SMIM35: variants seen among roughly 807,000 people sequenced by gnomAD.
SMIM35 encodes TMPRSS4 antisense RNA 1 (non-protein coding).
At chr11:118,077,383 A>G (rs1198259048) in intron 1 of SMIM35, 189 of 1,477,226 alleles carry the variant, frequency 1.3e-4, no homozygotes, top group Non-Finnish European at 4.3e-5. Context: ...CAGCCTGAGC[A>G]TCCATCAGCT....
At position 118,056,365 on chromosome 11, in the gene SMIM35, G is replaced by A. The variant is rs555973479; in HGVS notation, c.7+30386C>T. Among the ~76,000 whole-genome samples the A allele has an allele frequency of 3.3e-5, 5 of 152,314 alleles. No individual in the cohort carries two copies. The South Asian group carries it at 1.0e-3, about 32-fold the overall frequency. On this transcript the variant is annotated intron_variant, in intron 1 of 4. Coordinates refer to ENST00000689828, the MANE Select transcript of SMIM35 (RefSeq NM_001394165.1). ...TCAGCAGAACTGGGGATCAATTGGA[G>A]GTAGTAAGTTAGGGAGAGAGGGGAG...
At chr11:118,044,193 G>A (rs1280681137) in intron 1 of SMIM35, among the ~76,000 whole-genome samples, 1 of 151,462 alleles carries the variant, frequency 6.6e-6, no homozygotes, top group Non-Finnish European at 1.5e-5. Flanking sequence ...CAAAACCCAT[G>A]CAAAAAGCAG....
chr11:118,036,633 C>A (rs2058361361), intron 1 of SMIM35, among the ~76,000 whole-genome samples: 1 of 152,208 alleles, frequency 6.6e-6, no homozygotes, highest in South Asian at 2.1e-4. Flanking sequence ...AGCTGCAGGG[C>A]AGTGAGGTGC....
At chr11:118,034,703 CAA>C (rs972946263) in intron 1 of SMIM35, among the ~76,000 whole-genome samples, 1 of 152,124 alleles carries the variant, frequency 6.6e-6, no homozygotes, top group African/African-American at 2.4e-5. Flanking sequence ...GATCCTGTCT[CAA>C]AACAAACAAA....
intron 1 of SMIM35, among the ~76,000 whole-genome samples, chr11:118,020,398 C>T (rs187651339): frequency 1.3e-5 from 2 of 152,198 alleles, no homozygotes; most frequent in South Asian, 2.1e-4. Context: ...TTTGGGAATT[C>T]GTTTTTCAAG....
chr11:118,038,662 G>A (rs534516390), intron 1 of SMIM35, among the ~76,000 whole-genome samples: 2 of 151,766 alleles, frequency 1.3e-5, no homozygotes, highest in South Asian at 2.1e-4. Context: ...CCTTCTCCTG[G>A]GGCATTTGTT....
At chr11:118,066,846 T>C (rs1944481317) in intron 1 of SMIM35, among the ~76,000 whole-genome samples, 1 of 151,724 alleles carries the variant, frequency 6.6e-6, no homozygotes, top group Admixed American at 6.6e-5. Context: ...AATCAAAACA[T>C]TATCTTGATA....
intron 1 of SMIM35, among the ~76,000 whole-genome samples, chr11:118,020,855 T>C (rs576720148): frequency 6.6e-6 from 1 of 152,220 alleles, no homozygotes; most frequent in African/African-American, 2.4e-5. Context: ...TCCAGTATAA[T>C]GTACCTTGAT....
At chr11:118,086,286 G>T (rs958474774) in intron 1 of SMIM35, among the ~76,000 whole-genome samples, 8 of 152,226 alleles carry the variant, frequency 5.3e-5, no homozygotes, top group African/African-American at 1.9e-4. Context: ...ATAATGGCAG[G>T]CTGCCTGACT....
chr11:118,082,478 T>C (rs552738159), intron 1 of SMIM35, among the ~76,000 whole-genome samples: 1 of 152,074 alleles, frequency 6.6e-6, no homozygotes, highest in African/African-American at 2.4e-5. Flanking sequence ...TGAGAATCGC[T>C]TGAACCCAGG....
Position 118,063,334 on chromosome 11 carries a change from T to C in SMIM35, c.7+23417A>G, listed in dbSNP as rs1306608352. 2.6e-5 allele frequency among the ~76,000 whole-genome samples: 4 copies of C among 152,360 alleles called. No homozygotes were observed. In the South Asian group the frequency reaches 8.3e-4, roughly 32 times the overall value. ...TATAACACTTCTACTCTTCTTTCTG[T>C]TTCTTTCAGTTGATGATTTTCTGCT... On this transcript the variant is annotated intron_variant, in intron 1 of 4. Coordinates refer to ENST00000689828, the MANE Select transcript of SMIM35 (RefSeq NM_001394165.1).
rs1052676868 is a variant in SMIM35 at position 118,030,844 on chromosome 11, T to C, written c.8-15035A>G. Among the ~76,000 whole-genome samples, 4 of 151,878 alleles carry C rather than the reference T, an allele frequency of 2.6e-5. 1 individual carries two copies. Among genetic ancestry groups the C allele is most frequent in the Admixed American group, 2.6e-4 (4 of 15,246 alleles). ...GGGATTAGGAGGGCATCCATGGCAG[T>C]GTTAGGGGTTATGGCCCACCAAGTG... On this transcript the variant is annotated intron_variant, in intron 1 of 4. Transcript: ENST00000689828.
chr11:118,019,719 T>G (rs1293864302), intron 1 of SMIM35, among the ~76,000 whole-genome samples: 2 of 152,212 alleles, frequency 1.3e-5, no homozygotes, highest in Non-Finnish European at 2.9e-5. Context: ...TAACGTTTTG[T>G]TTTTTACAGT....
chr11:118,081,258 T>G (rs1473517809), intron 1 of SMIM35, among the ~76,000 whole-genome samples: 1 of 152,150 alleles, frequency 6.6e-6, no homozygotes, highest in Non-Finnish European at 1.5e-5. Flanking sequence ...ACTAAAGTGT[T>G]TTTATCCCAG....
chr11:118,011,518 C>T (rs1001404960), intron 4 of SMIM35, among the ~76,000 whole-genome samples: 1 of 152,184 alleles, frequency 6.6e-6, no homozygotes, highest in East Asian at 1.9e-4. Context: ...ATAGTGAAAC[C>T]CCATCTGTAC....
At chr11:118,036,991 T>C (rs1212441983) in intron 1 of SMIM35, among the ~76,000 whole-genome samples, 2 of 152,142 alleles carry the variant, frequency 1.3e-5, no homozygotes, top group Non-Finnish European at 2.9e-5. Context: ...TCCTTACTGG[T>C]TGGGTGTGAG....
chr11:118,038,056 A>G (rs1565387560), intron 1 of SMIM35, among the ~76,000 whole-genome samples: 1 of 152,188 alleles, frequency 6.6e-6, no homozygotes, highest in Non-Finnish European at 1.5e-5. Flanking sequence ...AAAAGCCCTC[A>G]GTGATTCAAT....
chr11:118,066,723 C>G (rs1479258347), intron 1 of SMIM35, among the ~76,000 whole-genome samples: 1 of 152,004 alleles, frequency 6.6e-6, no homozygotes, highest in Non-Finnish European at 1.5e-5. Flanking sequence ...CCCAGCTACT[C>G]AGGAGGCAAA....
At chr11:118,051,442 G>T (rs1356889804) in intron 1 of SMIM35, among the ~76,000 whole-genome samples, 1 of 152,180 alleles carries the variant, frequency 6.6e-6, no homozygotes, top group Non-Finnish European at 1.5e-5. Flanking sequence ...TTCTTTATTT[G>T]ATTAAAGGCA....
Sources: gnomAD v4.1 joint callset for allele counts (sites outside exome capture counted in the v4.1 genomes callset) on GRCh38, gnomAD v4.1.1 for gene constraint, MANE v1.5 for transcripts, NCBI Gene and HGNC (gene_info 2026-07-23, HGNC 2026-07-21) for gene names.